DTNBP1: variants seen among roughly 807,000 people sequenced by gnomAD.
DTNBP1 encodes the protein dystrobrevin binding protein 1.
Under a neutral mutation model 42.8 loss-of-function variants are expected in DTNBP1, and 35 were observed. The ratio of observed to expected loss-of-function variants is 0.82; its 90% CI spans 0.63 to 1.09. The LOEUF (loss-of-function observed/expected upper bound fraction) is 1.09, where lower values mean the gene tolerates loss of function less well. Ranked by LOEUF, DTNBP1 falls within the 50% of genes least tolerant of loss-of-function variation. DTNBP1 has a pLI of 0.00. For missense variants in DTNBP1, 457 were observed against 424.2 expected (o/e 1.08, Z -0.68); for synonymous variants, 171 against 162.2 (o/e 1.05, Z -0.41).
intron 1 of DTNBP1, among the ~76,000 whole-genome samples, chr6:15,658,948 T>C (rs1359005000): frequency 6.6e-6 from 1 of 152,216 alleles, no homozygotes; most frequent in Non-Finnish European, 1.5e-5. Context: ...AGGAAGAATG[T>C]GATGTAATCA....
rs1759402206 is a variant in DTNBP1, at chr6:15,627,278, C to T, written c.355+65G>A. On this transcript the variant is annotated intron_variant, in intron 5 of 9. Coordinates refer to ENST00000344537, the MANE Select transcript of DTNBP1 (RefSeq NM_032122.5). ...GTGTTCCTGAAAAGCTCTGAAATTA[C>T]ACCAAACCCTGCCCAAGTTGTTTTC... 5.6e-6 allele frequency: 9 copies of T among 1,597,210 alleles called. No individual in the cohort carries two copies. In the South Asian group the frequency reaches 7.8e-5, roughly 14 times the overall value.
At chr6:15,540,435 A>T (rs1773489544) in intron 7 of DTNBP1, among the ~76,000 whole-genome samples, 1 of 152,242 alleles carries the variant, frequency 6.6e-6, no homozygotes, top group Non-Finnish European at 1.5e-5. Context: ...ATTAAAGAAT[A>T]TCTTGTTTTA....
chr6:15,552,167 A>T (rs1478140789), intron 7 of DTNBP1, among the ~76,000 whole-genome samples: 1 of 152,240 alleles, frequency 6.6e-6, no homozygotes, highest in Non-Finnish European at 1.5e-5. Context: ...CTTAAGATTC[A>T]GTTCAATAAA....
At chr6:15,607,884 C>T (rs997251785) in intron 6 of DTNBP1, among the ~76,000 whole-genome samples, 1 of 152,148 alleles carries the variant, frequency 6.6e-6, no homozygotes, top group Admixed American at 6.5e-5. Context: ...ACAAGTAGTC[C>T]CTGCCCCAGC....
intron 7 of DTNBP1, among the ~76,000 whole-genome samples, chr6:15,589,512 C>T (rs1051073915): frequency 3.9e-5 from 6 of 152,216 alleles, no homozygotes; most frequent in Admixed American, 3.9e-4. Flanking sequence ...CCATGGTTAC[C>T]ATGCCTGCTG....
chr6:15,538,455 A>G (rs979431721), intron 7 of DTNBP1, among the ~76,000 whole-genome samples: 1 of 152,192 alleles, frequency 6.6e-6, no homozygotes, highest in Non-Finnish European at 1.5e-5. Context: ...TCCAGAAAAC[A>G]ACGCAGCTCT....
intron 7 of DTNBP1, among the ~76,000 whole-genome samples, chr6:15,546,572 T>C (rs1430029841): frequency 6.6e-6 from 1 of 152,188 alleles, no homozygotes; most frequent in Admixed American, 6.5e-5. Context: ...TATTTTTACA[T>C]TCATTTTCCT....
chr6:15,659,190 T>A (rs2113830438), intron 1 of DTNBP1, among the ~76,000 whole-genome samples: 1 of 152,342 alleles, frequency 6.6e-6, no homozygotes, highest in Non-Finnish European at 1.5e-5. Context: ...TGATAAGGAA[T>A]CGTTCTATTT....
intron 5 of DTNBP1, among the ~76,000 whole-genome samples, chr6:15,620,162 T>C (rs1758960221): frequency 1.3e-5 from 2 of 152,176 alleles, no homozygotes; most frequent in Admixed American, 1.3e-4. Context: ...AATAATGTAG[T>C]TCATGGTGCT....
intron 1 of DTNBP1, among the ~76,000 whole-genome samples, chr6:15,655,890 A>G (rs1031125408): frequency 3.9e-5 from 6 of 152,060 alleles, no homozygotes; most frequent in Non-Finnish European, 7.4e-5. Flanking sequence ...TTCTCTGGAG[A>G]ACTTATTCTG....
At chr6:15,608,250 CTTG>C (rs1195306386) in intron 6 of DTNBP1, among the ~76,000 whole-genome samples, 4 of 149,446 alleles carry the variant, frequency 2.7e-5, no homozygotes, top group African/African-American at 9.8e-5. Context: ...TAATATCTAC[CTTG>C]TTGTTGTTTG....
rs968216941 is a variant in DTNBP1 at position 15,557,362 on chromosome 6, A to G, written c.512-23967T>C. 9.9e-5 allele frequency among the ~76,000 whole-genome samples: 15 copies of G among 152,012 alleles called. No homozygotes were observed. The East Asian group carries it at 2.7e-3, about 28-fold the overall frequency. On this transcript the variant is annotated intron_variant, in intron 7 of 9. Coordinates refer to ENST00000344537, the MANE Select transcript of DTNBP1 (RefSeq NM_032122.5). ...AAGGTTTGTGAAAGACTAATCTTGT[A>G]AAAGAAATTCTGTGTGTAAACACAT...
intron 7 of DTNBP1, among the ~76,000 whole-genome samples, chr6:15,562,212 A>G (rs1331286066): frequency 6.6e-6 from 1 of 152,116 alleles, no homozygotes; most frequent in African/African-American, 2.4e-5. Flanking sequence ...TACTCTGTGA[A>G]CTTGCCTTGA....
chr6:15,617,414 G>A (rs1442406036), intron 5 of DTNBP1, among the ~76,000 whole-genome samples: 11 of 151,780 alleles, frequency 7.2e-5, no homozygotes, highest in Non-Finnish European at 1.5e-4. Context: ...AATAGCCAGA[G>A]CAATCCTGAG....
intron 1 of DTNBP1, 75 bp downstream of exon 1, chr6:15,662,739 G>C (rs1047868258): frequency 9.1e-5 from 144 of 1,590,424 alleles, no homozygotes; most frequent in Non-Finnish European, 1.2e-4. Context: ...GCGCGGGGAA[G>C]GGAGCGAGGC....
chr6:15,662,546 A>ACC (rs71535046), intron 1 of DTNBP1, among the ~76,000 whole-genome samples: 2 of 150,568 alleles, frequency 1.3e-5, no homozygotes, highest in Non-Finnish European at 3.0e-5. Context: ...AGGGTCCCAC[A>ACC]CCCCCCCCGG....
rs1772706241 is a variant in DTNBP1 at position 15,530,052 on chromosome 6, T to C, written c.667+3188A>G. Among the ~76,000 whole-genome samples, 3 of 152,414 alleles carry C rather than the reference T, an allele frequency of 2.0e-5. No individual in the cohort carries two copies. In the South Asian group the frequency reaches 6.2e-4, roughly 32 times the overall value. ...TCTGATGATTCTCTGGATAAAACTT[T>C]CCATGGCCTTGTCTTAATTAAGAAA... On this transcript the variant is annotated intron_variant, in intron 8 of 9. Coordinates refer to ENST00000344537, the MANE Select transcript of DTNBP1 (RefSeq NM_032122.5).
rs765629999 is a variant in DTNBP1, at chr6:15,533,332, A to G, written c.575T>C (p.Leu192Pro). The G allele has an allele frequency of 6.2e-7, 1 of 1,614,200 alleles. No homozygotes were observed. Among genetic ancestry groups the G allele is most frequent in the Non-Finnish European group, 8.5e-7 (1 of 1,180,038 alleles). Residue 192 changes from leucine (L) to proline (P), a missense_variant, in exon 8 of 10, where the codon CTG becomes CCG. By Grantham distance (98) the Leu-to-Pro change is moderately conservative. Transcript: ENST00000344537. Reference protein sequence around the residue: ...LEMEHTQQMKLKERQKFFEEA... With the variant: ...LEMEHTQQMKPKERQKFFEEA... ...CTCAAAAAACTTCTGCCGCTCCTTC[A>G]GCTTCATTTGCTGGGTGTGCTCCAT... is the stretch of plus-strand genomic sequence containing the variant.
At position 15,637,780 on chromosome 6, in the gene DTNBP1, A is replaced by T. The variant is rs1760116247; in HGVS notation, c.186T>A (p.Leu62=). ...LSRYEDTWAA[L]HRRAKDCASA... The stretch of plus-strand genomic sequence containing the variant: ...TTGCACAGTCTTTGGCTCTTCTGTG[A>T]AGTGCAGCCCATGTATCCTCATACC... Residue 62 remains leucine, a synonymous_variant, in exon 4 of 10, where the codon CTT becomes CTA. Transcript: ENST00000344537. 1 of 1,613,744 alleles carries T rather than the reference A, an allele frequency of 6.2e-7. No individual in the cohort carries two copies. The highest frequency in any genetic ancestry group is 8.5e-7 in the Non-Finnish European group (1 of 1,180,014).
Sources: gnomAD v4.1 joint callset for allele counts (sites outside exome capture counted in the v4.1 genomes callset) on GRCh38, gnomAD v4.1.1 for gene constraint, MANE v1.5 for transcripts, NCBI Gene and HGNC (gene_info 2026-07-23, HGNC 2026-07-21) for gene names.